ADCK1: variants seen among roughly 807,000 people sequenced by gnomAD.
ADCK1 encodes the protein aarF domain-containing protein kinase 1.
A neutral mutation model predicts 52.3 loss-of-function variants in ADCK1; 41 were observed. That is an observed-to-expected ratio of 0.78 (90% CI 0.61 to 1.02). The LOEUF is 1.02. Among genes scored for constraint, ADCK1 ranks in the 50% least tolerant of loss-of-function variants. The probability of loss-of-function intolerance (pLI) is 0.00; values close to 1 mark genes in which losing one functional copy is unlikely to be tolerated. For missense variants in ADCK1, 658 were observed against 679.5 expected (o/e 0.97, Z 0.35); for synonymous variants, 250 against 274.6 (o/e 0.91, Z 0.89).
chr14:77,906,249 A>C (rs1225141838), intron 6 of ADCK1, among the ~76,000 whole-genome samples: 1 of 152,196 alleles, frequency 6.6e-6, no homozygotes, highest in East Asian at 1.9e-4. Context: ...GGGTAAAGGA[A>C]AATCTTACTC....
chr14:77,822,778 G>C (rs2081610663), intron 3 of ADCK1, among the ~76,000 whole-genome samples: 1 of 152,238 alleles, frequency 6.6e-6, no homozygotes, highest in Non-Finnish European at 1.5e-5. Flanking sequence ...GAAGGAAGGA[G>C]AGGAGGACCA....
In ADCK1 at chr14:77,931,680, A is replaced by C; in HGVS notation, c.1369A>C (p.Met457Leu). 1 of 1,606,660 alleles carries C rather than the reference A, an allele frequency of 6.2e-7. No individual in the cohort carries two copies. The highest frequency in any genetic ancestry group is 8.5e-7 in the Non-Finnish European group (1 of 1,179,952). Residue 457 changes from methionine to leucine, a missense_variant, in exon 10 of 11, where the codon ATG becomes CTG. Transcript: ENST00000238561. ...CGCCAGCGCCAGCTCCTTTCTCAAC[A>C]TGTCACGTTGCTGCATCAGAGCGCT... is the stretch of plus-strand genomic sequence containing the variant. The part of the protein sequence containing the change: ...TRASASSFLN[M>L]SRCCIRALAE...
chr14:77,900,166 T>G (rs1211893067), intron 6 of ADCK1, among the ~76,000 whole-genome samples: 2 of 151,804 alleles, frequency 1.3e-5, no homozygotes, highest in Non-Finnish European at 2.9e-5. Flanking sequence ...GTTTTACACA[T>G]GTTAAATGGC....
chr14:77,912,091 G>T (rs2083804901), intron 7 of ADCK1, among the ~76,000 whole-genome samples: 1 of 152,152 alleles, frequency 6.6e-6, no homozygotes, highest in South Asian at 2.1e-4. Context: ...ACAGTTTTGG[G>T]ATCTGACGTC....
chr14:77,812,115 G>T (rs142522542), intron 1 of ADCK1, among the ~76,000 whole-genome samples: 155 of 152,242 alleles, frequency 1.0e-3, no homozygotes, highest in African/African-American at 3.4e-3. Flanking sequence ...ACCTCAGATA[G>T]TTACCCTTTT....
At chr14:77,817,846 C>T (rs1422527380) in intron 1 of ADCK1, among the ~76,000 whole-genome samples, 1 of 152,066 alleles carries the variant, frequency 6.6e-6, no homozygotes, top group Non-Finnish European at 1.5e-5. Context: ...CGCCATTCTC[C>T]TGCCTTAGCC....
At chr14:77,851,770 A>G (rs1386384175) in intron 3 of ADCK1, among the ~76,000 whole-genome samples, 1 of 152,112 alleles carries the variant, frequency 6.6e-6, no homozygotes, top group Non-Finnish European at 1.5e-5. Flanking sequence ...GTTTTATGCT[A>G]TTGATGTAAT....
At chr14:77,814,389 T>C (rs1443752250) in intron 1 of ADCK1, among the ~76,000 whole-genome samples, 2 of 150,874 alleles carry the variant, frequency 1.3e-5, no homozygotes, top group African/African-American at 2.4e-5. Context: ...CCTTTTTTTT[T>C]CTGACCCATT....
chr14:77,899,571 A>G (rs530104287), intron 6 of ADCK1, among the ~76,000 whole-genome samples: 14 of 152,328 alleles, frequency 9.2e-5, no homozygotes, highest in African/African-American at 3.4e-4. Context: ...GAGGCATGGG[A>G]TGGTGATGAT....
intron 4 of ADCK1, among the ~76,000 whole-genome samples, chr14:77,863,823 T>A (rs2013130): frequency 0.38 from 57,420 of 150,780 alleles, 11,684 homozygotes; most frequent in Admixed American, 0.51. Flanking sequence ...GTCAAGAGAG[T>A]GAGACTCTGT....
Position 77,887,183 on chromosome 14 carries a change from G to T in ADCK1, c.516G>T (p.Thr172=), listed in dbSNP as rs368200753. Residue 172 remains threonine, a synonymous_variant, in exon 5 of 11, where the codon ACG becomes ACT. Transcript: ENST00000238561. Reference sequence around the variant, plus strand: ...AGGCAGTGCTGCATGATGGGCGGACGGTGGCCGTGAAGGTCCAGCACCCAA... The same window carrying T: ...AGGCAGTGCTGCATGATGGGCGGACTGTGGCCGTGAAGGTCCAGCACCCAA... The part of the protein sequence containing the change: ...VHKAVLHDGR[T]VAVKVQHPKV... The T allele has an allele frequency of 6.2e-6, 10 of 1,610,558 alleles. No homozygotes were observed. In the African/African-American group the frequency reaches 1.2e-4, roughly 19 times the overall value.
chr14:77,817,134 C>T (rs956398196), intron 1 of ADCK1, among the ~76,000 whole-genome samples: 6 of 151,728 alleles, frequency 4.0e-5, no homozygotes, highest in South Asian at 2.1e-4. Flanking sequence ...CCCAGCTACT[C>T]GGGAGGCTGA....
intron 3 of ADCK1, among the ~76,000 whole-genome samples, chr14:77,851,931 T>G (rs1015390080): frequency 6.6e-6 from 1 of 151,990 alleles, no homozygotes; most frequent in Non-Finnish European, 1.5e-5. Flanking sequence ...CTTATATAGA[T>G]TCATATTTTT....
chr14:77,853,397 G>T (rs894041314), intron 3 of ADCK1, among the ~76,000 whole-genome samples: 1 of 152,160 alleles, frequency 6.6e-6, no homozygotes, highest in African/African-American at 2.4e-5. Context: ...TGGGATTACA[G>T]GTGTGAGCCA....
intron 4 of ADCK1, among the ~76,000 whole-genome samples, chr14:77,885,214 T>C (rs1210634071): frequency 6.6e-6 from 1 of 152,206 alleles, no homozygotes; most frequent in Non-Finnish European, 1.5e-5. Flanking sequence ...AGGGTTCTTA[T>C]GCTGAGAAAC....
intron 4 of ADCK1, among the ~76,000 whole-genome samples, chr14:77,881,982 T>C (rs1474766522): frequency 1.3e-5 from 2 of 152,130 alleles, no homozygotes; most frequent in African/African-American, 4.8e-5. Context: ...TGACAAGATA[T>C]AGGGGTATCT....
chr14:77,864,216 C>T (rs998586893), intron 4 of ADCK1, among the ~76,000 whole-genome samples: 1 of 152,056 alleles, frequency 6.6e-6, no homozygotes, highest in Non-Finnish European at 1.5e-5. Context: ...CGTTGTGCAA[C>T]GGGTAGAATA....
chr14:77,909,127 C>CTTTT (rs55821210), intron 7 of ADCK1, among the ~76,000 whole-genome samples: 5 of 103,334 alleles, frequency 4.8e-5, no homozygotes, highest in African/African-American at 1.2e-4. Flanking sequence ...GAGGTAAATG[C>CTTTT]TTTTTTTTTT....
intron 4 of ADCK1, among the ~76,000 whole-genome samples, chr14:77,864,558 G>A (rs1366437210): frequency 6.6e-6 from 1 of 152,182 alleles, no homozygotes; most frequent in Non-Finnish European, 1.5e-5. Context: ...GGCTATGGCA[G>A]GTTGGCCAGA....
Sources: allele counts gnomAD v4.1 joint callset (sites outside exome capture counted in the v4.1 genomes callset), GRCh38; gene constraint gnomAD v4.1.1; transcripts MANE v1.5; gene names NCBI Gene and HGNC (gene_info 2026-07-23, HGNC 2026-07-21).